The following BMP7 variants were observed in gnomAD, a reference collection of about 807,000 sequenced individuals.
BMP7 encodes the protein osteogenic protein 1.
A neutral mutation model predicts 41.2 loss-of-function variants in BMP7; 12 were observed. The ratio of observed to expected loss-of-function variants is 0.29; its 90% CI spans 0.19 to 0.47. The LOEUF (loss-of-function observed/expected upper bound fraction) is 0.47. Among genes scored for constraint, BMP7 ranks in the 20% least tolerant of loss-of-function variants. The pLI is 0.99. For synonymous variants in BMP7, 248 were observed against 250.0 expected, an observed-to-expected ratio of 0.99 and a Z score of 0.07; for missense variants, 467 against 606.0, an observed-to-expected ratio of 0.77 and a Z score of 2.41.
intron 6 of BMP7, chr20:57,172,972 A>G (rs915483546): frequency 8.2e-6 from 5 of 612,276 alleles, no homozygotes; most frequent in Non-Finnish European, 1.5e-5. Context: ...TTTAAAAATT[A>G]GGAGAAATAA....
In BMP7 at chr20:57,171,234, C is replaced by T; in HGVS notation, c.1147-126G>A. On this transcript the variant is annotated intron_variant, in intron 6 of 6. Coordinates refer to ENST00000395863, the MANE Select transcript of BMP7 (RefSeq NM_001719.3). This position sits in a 1 kb window ranked among gnomAD's most constrained non-coding sequence, Gnocchi z 4.5. ...ATGACTGCAGGTGACACTCCCCAAGCCAAGCACTCCCTGTTCTAAGCACTT... is the reference window on the plus strand; with the variant it reads ...ATGACTGCAGGTGACACTCCCCAAGTCAAGCACTCCCTGTTCTAAGCACTT... The T allele has an allele frequency of 7.6e-7, 1 of 1,323,214 alleles. No individual in the cohort carries two copies. The highest frequency in any genetic ancestry group is 1.1e-6 in the Non-Finnish European group (1 of 937,612). 82.0% of individuals were successfully genotyped at this position (1,323,214 alleles called of 1,614,324 possible). A position where few individuals can be genotyped will look rare whatever the true frequency, so the allele number is the denominator to read the frequency against.
rs559883544 is a variant in BMP7, at chr20:57,227,457, C to T, written c.611+772G>A. ...GCTGTGATGGTTCTTCTGTCCCTGT[C>T]TATGGTAACAAGTCCCCTTTCTAGC... On this transcript the variant is annotated intron_variant, in intron 2 of 6. Coordinates refer to ENST00000395863, the MANE Select transcript of BMP7 (RefSeq NM_001719.3). Among the ~76,000 whole-genome samples, 6 of 149,484 alleles carry T rather than the reference C, an allele frequency of 4.0e-5. No homozygotes were observed. The East Asian group carries it at 1.0e-3, about 25-fold the overall frequency.
intron 1 of BMP7, among the ~76,000 whole-genome samples, chr20:57,235,597 G>A (rs1568725110): frequency 6.6e-6 from 1 of 152,166 alleles, no homozygotes; most frequent in Non-Finnish European, 1.5e-5. Flanking sequence ...GTGCTGAATG[G>A]ACTCTTAAGG....
chr20:57,255,338 G>C (rs1040691560), intron 1 of BMP7, among the ~76,000 whole-genome samples: 1 of 152,182 alleles, frequency 6.6e-6, no homozygotes, highest in African/African-American at 2.4e-5. Flanking sequence ...TGAGAGAACT[G>C]CATGAGGGCC....
At chr20:57,264,013 C>T (rs1196410499) in intron 1 of BMP7, among the ~76,000 whole-genome samples, 1 of 152,168 alleles carries the variant, frequency 6.6e-6, no homozygotes, top group Non-Finnish European at 1.5e-5. Flanking sequence ...CCACCTCATA[C>T]ATCTTGGAGA....
chr20:57,256,999 T>C (rs556934617), intron 1 of BMP7, among the ~76,000 whole-genome samples: 2 of 152,266 alleles, frequency 1.3e-5, no homozygotes, highest in South Asian at 4.1e-4. Flanking sequence ...CACTCCCAGG[T>C]AGAAATATTA....
At chr20:57,195,917 A>G (rs1984480764) in intron 3 of BMP7, among the ~76,000 whole-genome samples, 5 of 152,114 alleles carry the variant, frequency 3.3e-5, no homozygotes, top group Non-Finnish European at 5.9e-5. Context: ...GGAGGGAGAG[A>G]GGTGCCCTAT....
chr20:57,222,652 C>T (rs768910307), intron 2 of BMP7, among the ~76,000 whole-genome samples: 7 of 152,086 alleles, frequency 4.6e-5, no homozygotes, highest in Non-Finnish European at 8.8e-5. Context: ...TGGAAGTTCC[C>T]AGCAGCCAAA....
chr20:57,251,043 C>T (rs981546032), intron 1 of BMP7, among the ~76,000 whole-genome samples: 5 of 152,232 alleles, frequency 3.3e-5, no homozygotes, highest in African/African-American at 2.4e-5. Flanking sequence ...CATCCCACCA[C>T]GGTGGGTAAC....
intron 1 of BMP7, among the ~76,000 whole-genome samples, chr20:57,245,963 T>C (rs1237255289): frequency 2.6e-5 from 4 of 152,172 alleles, no homozygotes; most frequent in African/African-American, 4.8e-5. Flanking sequence ...ACAGTATTAT[T>C]GTACAATTAA....
chr20:57,183,973 C>G, intron 3 of BMP7, 54 bp from the exon 4 acceptor site: 1 of 1,584,758 alleles, frequency 6.3e-7, no homozygotes, highest in Non-Finnish European at 8.6e-7. Context: ...GGGCCACGAG[C>G]GGGACAGGGC....
intron 1 of BMP7, among the ~76,000 whole-genome samples, chr20:57,262,274 C>A (rs2066157209): frequency 6.6e-6 from 1 of 152,194 alleles, no homozygotes; most frequent in African/African-American, 2.4e-5. Flanking sequence ...ATTAAGTCTA[C>A]AAAGAGGAGT....
chr20:57,195,651 G>A (rs1404721229), intron 3 of BMP7, among the ~76,000 whole-genome samples: 1 of 152,262 alleles, frequency 6.6e-6, no homozygotes, highest in Non-Finnish European at 1.5e-5. Flanking sequence ...TTCCACAGCC[G>A]CCGCAGGCGA....
chr20:57,249,873 C>T (rs1182066584), intron 1 of BMP7, among the ~76,000 whole-genome samples: 2 of 152,126 alleles, frequency 1.3e-5, no homozygotes, highest in African/African-American at 2.4e-5. Context: ...TGAGCCCCTT[C>T]CTGCCATGAT....
At position 57,214,653 on chromosome 20, in the gene BMP7, G is replaced by A. The variant is rs900479975; in HGVS notation, c.612-12030C>T. On this transcript the variant is annotated intron_variant, in intron 2 of 6. Coordinates refer to ENST00000395863, the MANE Select transcript of BMP7 (RefSeq NM_001719.3). This position sits in a 1 kb window ranked among gnomAD's most constrained non-coding sequence, Gnocchi z 4.0. ...CTTTTCACCTCCCTCACACCTGCCTGTTCTTGAGCATCCCAGGGAAGCGTC... is the reference window on the plus strand; with the variant it reads ...CTTTTCACCTCCCTCACACCTGCCTATTCTTGAGCATCCCAGGGAAGCGTC... 3.0e-4 allele frequency among the ~76,000 whole-genome samples: 45 copies of A among 152,162 alleles called. No individual in the cohort carries two copies. Among genetic ancestry groups the A allele is most frequent in the African/African-American group, 1.1e-3 (44 of 41,442 alleles).
intron 3 of BMP7, among the ~76,000 whole-genome samples, chr20:57,193,275 G>C (rs536037780): frequency 1.3e-5 from 2 of 152,280 alleles, no homozygotes; most frequent in South Asian, 4.2e-4. Context: ...CTCCCAACTG[G>C]GGTGATGCTG....
chr20:57,199,508 G>C (rs1984574646), intron 3 of BMP7, among the ~76,000 whole-genome samples: 1 of 152,166 alleles, frequency 6.6e-6, no homozygotes, highest in African/African-American at 2.4e-5. Flanking sequence ...AGCTACTGGG[G>C]AAAAGGGGCA....
chr20:57,234,764 G>A (rs2066041461), intron 1 of BMP7, among the ~76,000 whole-genome samples: 1 of 152,220 alleles, frequency 6.6e-6, no homozygotes, highest in Non-Finnish European at 1.5e-5. Context: ...TAAGAACAGG[G>A]CCCATGACTG....
intron 3 of BMP7, among the ~76,000 whole-genome samples, chr20:57,190,207 C>T (rs988721652): frequency 1.4e-5 from 2 of 147,654 alleles, no homozygotes; most frequent in African/African-American, 5.1e-5. Flanking sequence ...AGAGAGTGAG[C>T]GAGGAACCAG....
Sources: gnomAD v4.1 joint callset for allele counts (sites outside exome capture counted in the v4.1 genomes callset) on GRCh38, gnomAD v4.1.1 for gene constraint, Gnocchi (gnomAD v3.1) non-coding constraint, MANE v1.5 for transcripts, NCBI Gene and HGNC (gene_info 2026-07-23, HGNC 2026-07-21) for gene names.